Variants in CCDC201 observed in about 807,000 individuals in gnomAD.
The protein encoded by CCDC201 is coiled-coil domain containing 201.
the CCDC201 span, among the ~76,000 whole-genome samples, chr7:45,885,039 C>T: frequency 4.0e-3 from 612 of 152,112 alleles, 3 homozygotes; most frequent in African/African-American, 0.014. Flanking sequence ...AGGGGGCAGC[C>T]GCAGGAGGTG....
Position 45,865,676 on chromosome 7 carries a change from G to A in CCDC201, c.477+360C>T, listed in dbSNP as rs555433654. On this transcript the variant is annotated intron_variant, in intron 2 of 2. Transcript: ENST00000636578. ...ATCACCCAGACTCCTGTGAGCTAAA[G>A]AGCAATGACAAAGCAGCCAGCCAGC... 9.2e-5 allele frequency among the ~76,000 whole-genome samples: 14 copies of A among 152,340 alleles called. No homozygotes were observed. The South Asian group carries it at 2.9e-3, about 32-fold the overall frequency.
At chr7:45,883,286 AACAC>A in the CCDC201 span, among the ~76,000 whole-genome samples, 1 of 150,982 alleles carries the variant, frequency 6.6e-6, no homozygotes, top group Non-Finnish European at 1.5e-5. Context: ...CACACACCCC[AACAC>A]ACACACACAC....
chr7:45,882,218 C>T, the CCDC201 span, among the ~76,000 whole-genome samples: 9 of 152,264 alleles, frequency 5.9e-5, no homozygotes, highest in Admixed American at 5.2e-4. Context: ...GCACACTGCA[C>T]GAAGGCAGGA....
chr7:45,875,611 A>G (rs932453911), upstream of CCDC201, among the ~76,000 whole-genome samples: 2 of 152,166 alleles, frequency 1.3e-5, no homozygotes, highest in Non-Finnish European at 2.9e-5. Context: ...ACACCTAATG[A>G]ATAAGAGTGT....
chr7:45,882,588 C>A, the CCDC201 span, among the ~76,000 whole-genome samples: 1 of 152,156 alleles, frequency 6.6e-6, no homozygotes, highest in Admixed American at 6.5e-5. Context: ...TTGCGGTTCC[C>A]ACAAGAAAAA....
chr7:45,871,342 A>C (rs1469812978), intron 1 of CCDC201, among the ~76,000 whole-genome samples: 2 of 152,122 alleles, frequency 1.3e-5, no homozygotes, highest in African/African-American at 4.8e-5. Flanking sequence ...AATGACAAGG[A>C]ATCTAAGATT....
intron 1 of CCDC201, among the ~76,000 whole-genome samples, chr7:45,869,720 T>C (rs1297288878): frequency 6.6e-6 from 1 of 152,210 alleles, no homozygotes; most frequent in Non-Finnish European, 1.5e-5. Flanking sequence ...CTGCACCATG[T>C]TTCTATCCCA....
chr7:45,881,760 G>A, the CCDC201 span, among the ~76,000 whole-genome samples: 1 of 152,260 alleles, frequency 6.6e-6, no homozygotes, highest in South Asian at 2.1e-4. Context: ...CGCTTCCATC[G>A]CCAACACTGA....
chr7:45,875,612 A>G (rs1786792338), upstream of CCDC201, among the ~76,000 whole-genome samples: 1 of 152,196 alleles, frequency 6.6e-6, no homozygotes, highest in Non-Finnish European at 1.5e-5. Context: ...CACCTAATGA[A>G]TAAGAGTGTT....
the CCDC201 span, among the ~76,000 whole-genome samples, chr7:45,884,267 T>C: frequency 7.9e-5 from 12 of 152,252 alleles, no homozygotes; most frequent in East Asian, 1.2e-3. Context: ...GCCTGGCTAA[T>C]TATTTTTATT....
the CCDC201 span, among the ~76,000 whole-genome samples, chr7:45,884,168 A>G: frequency 1.3e-5 from 2 of 151,708 alleles, no homozygotes; most frequent in Non-Finnish European, 1.5e-5. Context: ...TGGTGTGATC[A>G]TAACTCACTG....
upstream of CCDC201, among the ~76,000 whole-genome samples, chr7:45,875,101 T>A (rs1786785361): frequency 6.6e-6 from 1 of 152,196 alleles, no homozygotes; most frequent in African/African-American, 2.4e-5. Context: ...TGTGCATGGA[T>A]GTACACATGT....
upstream of CCDC201, among the ~76,000 whole-genome samples, chr7:45,873,620 C>T (rs989706971): frequency 6.6e-6 from 1 of 152,208 alleles, no homozygotes; most frequent in Admixed American, 6.5e-5. Flanking sequence ...CCTAACGACT[C>T]CCAGGTGTTG....
At chr7:45,881,193 A>T in the CCDC201 span, among the ~76,000 whole-genome samples, 1 of 152,120 alleles carries the variant, frequency 6.6e-6, no homozygotes, top group Admixed American at 6.6e-5. Flanking sequence ...AATGAGATGC[A>T]TGTGTCTCCT....
At chr7:45,861,669 C>G (rs985804780) in exon 3 of CCDC201, 6 of 152,184 alleles carry the variant, frequency 3.9e-5, no homozygotes, top group African/African-American at 1.4e-4. Flanking sequence ...CATCCTAGAC[C>G]TCACATGCCC....
At chr7:45,872,607 T>C (rs1381736262) in intron 1 of CCDC201, among the ~76,000 whole-genome samples, 1 of 152,174 alleles carries the variant, frequency 6.6e-6, no homozygotes, top group African/African-American at 2.4e-5. Flanking sequence ...CCCCACCTGA[T>C]GTCACTGAGA....
chr7:45,875,093 T>C (rs541516417), upstream of CCDC201, among the ~76,000 whole-genome samples: 49 of 152,322 alleles, frequency 3.2e-4, no homozygotes, highest in African/African-American at 1.2e-3. Context: ...CATGTGTATG[T>C]GCATGGATGT....
chr7:45,880,211 G>A, the CCDC201 span, among the ~76,000 whole-genome samples: 20 of 152,286 alleles, frequency 1.3e-4, no homozygotes, highest in African/African-American at 4.8e-4. Flanking sequence ...GAGATGAAGA[G>A]GAGTTATTTT....
chr7:45,882,149 C>T, the CCDC201 span, among the ~76,000 whole-genome samples: 8 of 152,100 alleles, frequency 5.3e-5, no homozygotes, highest in African/African-American at 1.9e-4. Context: ...TTGCCCTTGA[C>T]TCTTGTATTG....
Sources: gnomAD v4.1 joint callset for allele counts (sites outside exome capture counted in the v4.1 genomes callset) on GRCh38, gnomAD v4.1.1 for gene constraint, MANE v1.5 for transcripts, NCBI Gene and HGNC (gene_info 2026-07-23, HGNC 2026-07-21) for gene names.